TMCC1: variants seen among roughly 807,000 people sequenced by gnomAD.
TMCC1 encodes the protein transmembrane and coiled-coil domain family 1, also known as transmembrane and coiled-coil domains protein 1.
Under a neutral mutation model 52.4 loss-of-function variants are expected in TMCC1, and 15 were observed. The ratio of observed to expected loss-of-function variants is 0.29; its 90% CI spans 0.19 to 0.44. TMCC1 has a LOEUF of 0.44. Among genes scored for constraint, TMCC1 ranks in the 20% least tolerant of loss-of-function variants. TMCC1 has a pLI of 1.00. For synonymous variants in TMCC1, 279 were observed against 301.9 expected (o/e 0.92, Z 0.79); for missense variants, 503 against 806.0 (o/e 0.62, Z 4.55).
rs1414581176 is a variant in TMCC1 at position 129,722,455 on chromosome 3, G to A, written c.577-51191C>T. 3.9e-5 allele frequency among the ~76,000 whole-genome samples: 6 copies of A among 152,010 alleles called. No homozygotes were observed. The East Asian group carries it at 9.6e-4, about 24-fold the overall frequency. ...TTGTCTTCCACAAAACCGGTCCCTG[G>A]TGCCAAAAAGGTTGGGGACTGCTGG... On this transcript the variant is annotated intron_variant, in intron 4 of 6. Coordinates refer to ENST00000393238, the MANE Select transcript of TMCC1 (RefSeq NM_001017395.5).
At chr3:129,836,542 G>A (rs73866136) in intron 2 of TMCC1, among the ~76,000 whole-genome samples, 2 of 152,164 alleles carry the variant, frequency 1.3e-5, no homozygotes, top group Non-Finnish European at 2.9e-5. Context: ...GGTTCAAAAA[G>A]AGCTGGGAGG....
chr3:129,882,641 T>C lies in TMCC1; in HGVS notation c.-434-2082A>G, dbSNP rs557704598. On this transcript the variant is annotated intron_variant, in intron 1 of 6. Transcript: ENST00000393238. Reference sequence around the variant, plus strand: ...TGTCATATGTCCATGAACAGATGCATAGATAAGCAAAATGTGGTATATCAT... The same window carrying C: ...TGTCATATGTCCATGAACAGATGCACAGATAAGCAAAATGTGGTATATCAT... Among the ~76,000 whole-genome samples, 7 of 152,274 alleles carry C rather than the reference T, an allele frequency of 4.6e-5. No individual in the cohort carries two copies. In the South Asian group the frequency reaches 8.3e-4, roughly 18 times the overall value.
chr3:129,687,727 C>T (rs944524914), intron 4 of TMCC1, among the ~76,000 whole-genome samples: 1 of 152,162 alleles, frequency 6.6e-6, no homozygotes, highest in South Asian at 2.1e-4. Flanking sequence ...CCCACCAACG[C>T]ACAGCTATGA....
chr3:129,872,413 T>C (rs2060974329), intron 2 of TMCC1, among the ~76,000 whole-genome samples: 1 of 152,182 alleles, frequency 6.6e-6, no homozygotes, highest in South Asian at 2.1e-4. Context: ...ACTCCAAACC[T>C]ATGCATTTCA....
chr3:129,880,012 T>TA (rs1248974260), intron 2 of TMCC1, among the ~76,000 whole-genome samples: 20 of 152,250 alleles, frequency 1.3e-4, no homozygotes, highest in African/African-American at 4.8e-4. Context: ...GTCTCTATTA[T>TA]AAAAAATAAA....
chr3:129,808,883 A>G (rs973764824), intron 4 of TMCC1, among the ~76,000 whole-genome samples: 3 of 150,914 alleles, frequency 2.0e-5, no homozygotes, highest in Non-Finnish European at 2.9e-5. Context: ...TAAAAGATCA[A>G]AAAGTTAAAA....
chr3:129,692,054 A>G (rs2047064532), intron 4 of TMCC1, among the ~76,000 whole-genome samples: 1 of 152,232 alleles, frequency 6.6e-6, no homozygotes, highest in Non-Finnish European at 1.5e-5. Flanking sequence ...ATCCAAATTC[A>G]CATACTTAAG....
At chr3:129,672,644 G>A (rs978746587) in intron 4 of TMCC1, among the ~76,000 whole-genome samples, 2 of 152,102 alleles carry the variant, frequency 1.3e-5, no homozygotes, top group African/African-American at 4.8e-5. Context: ...CAGTAACAGA[G>A]TAATGAGTAA....
At chr3:129,850,771 G>C (rs2059881437) in intron 2 of TMCC1, among the ~76,000 whole-genome samples, 1 of 152,180 alleles carries the variant, frequency 6.6e-6, no homozygotes, top group Non-Finnish European at 1.5e-5. Context: ...CAGCAAACCA[G>C]TCATTAGCAT....
At chr3:129,655,555 C>T (rs187945141) in intron 5 of TMCC1, among the ~76,000 whole-genome samples, 168 of 152,276 alleles carry the variant, frequency 1.1e-3, no homozygotes, top group African/African-American at 3.5e-3. Context: ...CGGATGTTTG[C>T]GATTCAGAGC....
At chr3:129,880,174 A>T (rs977605661) in intron 2 of TMCC1, 135 bp downstream of exon 2, 2 of 152,232 alleles carry the variant, frequency 1.3e-5, no homozygotes, top group Admixed American at 1.3e-4. Context: ...CTAGAAAAAA[A>T]GAGAAAATGG....
intron 4 of TMCC1, among the ~76,000 whole-genome samples, chr3:129,809,591 G>GA (rs2057685649): frequency 6.6e-6 from 1 of 151,936 alleles, no homozygotes. Flanking sequence ...ACAGTATTGT[G>GA]AAGCCACAGA....
At chr3:129,863,865 GA>G (rs200097090) in intron 2 of TMCC1, among the ~76,000 whole-genome samples, 6 of 148,406 alleles carry the variant, frequency 4.0e-5, no homozygotes, top group Admixed American at 6.7e-5. Context: ...CTTATCTCAA[GA>G]AAAAAAAAGA....
intron 2 of TMCC1, chr3:129,847,501 G>C (rs1280736492): frequency 6.6e-6 from 1 of 152,184 alleles, no homozygotes; most frequent in African/African-American, 2.4e-5. Flanking sequence ...GTTGTTGAGA[G>C]TATCAACTGT....
At position 129,670,761 on chromosome 3, in the gene TMCC1, T is replaced by C. The variant is rs2087866416; in HGVS notation, c.1080A>G (p.Ser360=). The change falls in exon 5 of 7, where the codon TCA becomes TCG. Residue 360 remains serine (S), a synonymous_variant. Transcript: ENST00000393238. ...GFSSFSQATH[S]AAGAVVSKPR... ...GCTTTGAGACTACAGCGCCTGCTGC[T>C]GAATGGGTGGCCTGGGAGAAGCTGG... The C allele has an allele frequency of 6.2e-7, 1 of 1,614,072 alleles. No individual in the cohort carries two copies. Among genetic ancestry groups the C allele is most frequent in the South Asian group, 1.1e-5 (1 of 91,086 alleles).
At chr3:129,688,505 A>T in intron 4 of TMCC1, 1 of 985,506 alleles carries the variant, frequency 1.0e-6, no homozygotes, top group Non-Finnish European at 1.2e-6. Context: ...GACTTTCACA[A>T]AACAGGCAGG....
chr3:129,859,170 G>A (rs985359478), intron 2 of TMCC1, among the ~76,000 whole-genome samples: 8 of 152,048 alleles, frequency 5.3e-5, no homozygotes, highest in Admixed American at 2.6e-4. Context: ...ATAACCACAT[G>A]TAAATCTTAC....
chr3:129,756,552 C>T (rs1288847069), intron 4 of TMCC1, among the ~76,000 whole-genome samples: 1 of 152,108 alleles, frequency 6.6e-6, no homozygotes, highest in Non-Finnish European at 1.5e-5. Context: ...GCGCCCACCA[C>T]CAAGCCTGGC....
chr3:129,708,516 G>A (rs1241492018), intron 4 of TMCC1, among the ~76,000 whole-genome samples: 1 of 152,148 alleles, frequency 6.6e-6, no homozygotes, highest in Non-Finnish European at 1.5e-5. Flanking sequence ...CATAAATGTG[G>A]TACAGCTGAA....
Sources: gnomAD v4.1 joint callset for allele counts (sites outside exome capture counted in the v4.1 genomes callset) on GRCh38, gnomAD v4.1.1 for gene constraint, MANE v1.5 for transcripts, NCBI Gene and HGNC (gene_info 2026-07-23, HGNC 2026-07-21) for gene names.